ZFHX3: variants seen among roughly 807,000 people sequenced by gnomAD.
ZFHX3 encodes zinc finger homeobox protein 3.
In ZFHX3, 42 loss-of-function variants were observed where a neutral mutation model predicts 279.1. The ratio of observed to expected loss-of-function variants is 0.15; its 90% CI spans 0.12 to 0.19. The LOEUF (loss-of-function observed/expected upper bound fraction) is 0.19, where lower values mean the gene tolerates loss of function less well. Among genes scored for constraint, ZFHX3 ranks in the 10% least tolerant of loss-of-function variants. The probability of loss-of-function intolerance (pLI) is 1.00; values close to 1 mark genes in which losing one functional copy is unlikely to be tolerated. For missense variants in ZFHX3, 4,981 were observed against 4,754.0 expected, an observed-to-expected ratio of 1.05 and a Z score of -1.40; for synonymous variants, 2,293 against 1,957.8, an observed-to-expected ratio of 1.17 and a Z score of -4.52.
At chr16:73,686,435 A>G (rs1357201929) in intron 1 of ZFHX3, among the ~76,000 whole-genome samples, 1 of 152,188 alleles carries the variant, frequency 6.6e-6, no homozygotes, top group Admixed American at 6.5e-5. Context: ...TTTTTCCTGA[A>G]GTATCATGAG....
intron 3 of ZFHX3, among the ~76,000 whole-genome samples, chr16:73,440,824 ACT>A (rs2018079659): frequency 6.6e-6 from 1 of 152,050 alleles, no homozygotes; most frequent in African/African-American, 2.4e-5. Flanking sequence ...AAACACCACC[ACT>A]CTGTTTTCCT....
At chr16:73,078,831 A>G (rs771071383) in intron 8 of ZFHX3, among the ~76,000 whole-genome samples, 1 of 151,804 alleles carries the variant, frequency 6.6e-6, no homozygotes, top group Non-Finnish European at 1.5e-5. Context: ...TTTTTAGTAG[A>G]GACGGGGTTT....
At chr16:73,159,218 TAAAC>T (rs777755247) in intron 5 of ZFHX3, among the ~76,000 whole-genome samples, 3 of 152,190 alleles carry the variant, frequency 2.0e-5, no homozygotes, top group East Asian at 1.9e-4. Flanking sequence ...ATAAGGAACT[TAAAC>T]AAACAAATTT....
intron 1 of ZFHX3, among the ~76,000 whole-genome samples, chr16:73,019,343 C>T (rs62053239): frequency 2.9e-4 from 44 of 150,068 alleles, no homozygotes; most frequent in Non-Finnish European, 5.2e-4. Flanking sequence ...TGTGTCTGTG[C>T]GTGTGTGTGT....
intron 3 of ZFHX3, among the ~76,000 whole-genome samples, chr16:73,336,700 T>C (rs1273219926): frequency 6.6e-6 from 1 of 152,134 alleles, no homozygotes; most frequent in Non-Finnish European, 1.5e-5. Context: ...TGAATATACG[T>C]GCACATGTGT....
At chr16:73,284,243 G>A (rs558668813) in intron 4 of ZFHX3, among the ~76,000 whole-genome samples, 20 of 148,334 alleles carry the variant, frequency 1.3e-4, no homozygotes, top group African/African-American at 2.7e-4. Flanking sequence ...CTTGAACTCG[G>A]AGGGCAGAGG....
chr16:72,803,492 A>T (rs533912594), intron 7 of ZFHX3, among the ~76,000 whole-genome samples: 1 of 152,270 alleles, frequency 6.6e-6, no homozygotes, highest in East Asian at 1.9e-4. Flanking sequence ...AGGCCCTCAA[A>T]TAACTGGTCC....
chr16:73,103,216 C>A lies in ZFHX3; in HGVS notation c.-896-9618G>T, dbSNP rs142168213. Among the ~76,000 whole-genome samples the A allele has an allele frequency of 4.8e-4, 73 of 152,268 alleles. 1 individual carries two copies. The East Asian group carries it at 0.013, about 27-fold the overall frequency. ...CTGAGATTACAGGCATGATTTCCTGCGCCCAGCCTATTATCTTTGAAAAGG... is the reference window on the plus strand; with the variant it reads ...CTGAGATTACAGGCATGATTTCCTGAGCCCAGCCTATTATCTTTGAAAAGG... On this transcript the variant is annotated intron_variant, in intron 7 of 17. Coordinates refer to the ZFHX3 transcript ENST00000641206.
intron 4 of ZFHX3, among the ~76,000 whole-genome samples, chr16:72,870,239 A>C (rs1362882303): frequency 6.6e-6 from 1 of 152,058 alleles, no homozygotes; most frequent in Non-Finnish European, 1.5e-5. Flanking sequence ...AAAAAATACA[A>C]AAACTAGCCA....
At chr16:73,214,843 CTTTT>C (rs386385051) in intron 5 of ZFHX3, among the ~76,000 whole-genome samples, 2 of 79,250 alleles carry the variant, frequency 2.5e-5, no homozygotes, top group African/African-American at 1.0e-4. Context: ...TGCTGAAGGC[CTTTT>C]TTTTTTTTTT....
rs116974636 is a variant in ZFHX3, at chr16:72,851,387, C to T, written c.3449-21528G>A. Among the ~76,000 whole-genome samples, 829 of 152,324 alleles carry T rather than the reference C, an allele frequency of 5.4e-3. 12 individuals carry two copies. The highest frequency in any genetic ancestry group is 0.042 in the East Asian group (216 of 5,166). ...CCGACAAGGGGCTCTTCATCAGCCA[C>T]TCAACACCACGGCGAGTCTTCCAGA... On this transcript the variant is annotated intron_variant, in intron 4 of 9. Coordinates refer to ENST00000268489, the MANE Select transcript of ZFHX3 (RefSeq NM_006885.4).
chr16:73,376,746 T>C (rs2890063), intron 3 of ZFHX3, among the ~76,000 whole-genome samples: 83,277 of 151,932 alleles, frequency 0.55, 23,963 homozygotes, highest in Non-Finnish European at 0.64. Flanking sequence ...TCTGTGTCAA[T>C]GGACGACATA....
At chr16:73,749,144 G>A (rs146558164) in intron 1 of ZFHX3, among the ~76,000 whole-genome samples, 370 of 152,002 alleles carry the variant, frequency 2.4e-3, no homozygotes, top group Non-Finnish European at 3.4e-3. Flanking sequence ...ACTAGATCCC[G>A]CCATATTGGA....
rs570740672 is a variant in ZFHX3, at chr16:73,818,481, A to G, written c.-1608+73170T>C. On this transcript the variant is annotated intron_variant, in intron 1 of 17. Transcript: ENST00000641206. ...CCTGTCATCAACGCAGCATCATTATACATGATATCAACCAAAGCTCCTGTG... is the reference window on the plus strand; with the variant it reads ...CCTGTCATCAACGCAGCATCATTATGCATGATATCAACCAAAGCTCCTGTG... Among the ~76,000 whole-genome samples, 3 of 152,348 alleles carry G rather than the reference A, an allele frequency of 2.0e-5. No individual in the cohort carries two copies. The South Asian group carries it at 6.2e-4, about 32-fold the overall frequency.
intron 1 of ZFHX3, among the ~76,000 whole-genome samples, chr16:73,750,986 G>A (rs148221979): frequency 9.0e-4 from 137 of 152,208 alleles, no homozygotes; most frequent in African/African-American, 3.1e-3. Flanking sequence ...TACTGGCCTG[G>A]GCATTTTTCT....
intron 1 of ZFHX3, among the ~76,000 whole-genome samples, chr16:73,788,535 T>C (rs1188644082): frequency 3.3e-5 from 5 of 152,160 alleles, no homozygotes; most frequent in Non-Finnish European, 5.9e-5. Context: ...GTGTGTTGTA[T>C]GTCTGCTCTG....
chr16:73,408,861 G>A (rs745838170), intron 3 of ZFHX3, among the ~76,000 whole-genome samples: 6 of 151,934 alleles, frequency 3.9e-5, no homozygotes, highest in African/African-American at 9.7e-5. Context: ...AAATTCCAGC[G>A]AGGCAACCGA....
At chr16:73,406,058 G>C (rs115098087) in intron 3 of ZFHX3, among the ~76,000 whole-genome samples, 1,827 of 152,336 alleles carry the variant, frequency 0.012, 41 homozygotes, top group African/African-American at 0.042. Context: ...ACATTCTATC[G>C]TCTCTAGGAG....
intron 2 of ZFHX3, among the ~76,000 whole-genome samples, chr16:73,500,679 AGT>A (rs2019221156): frequency 8.1e-6 from 1 of 123,350 alleles, no homozygotes; most frequent in African/African-American, 3.3e-5. Context: ...AAAAAAAAAG[AGT>A]TTTAAAATAC....
Sources: allele counts gnomAD v4.1 joint callset (sites outside exome capture counted in the v4.1 genomes callset), GRCh38; gene constraint gnomAD v4.1.1; transcripts MANE v1.5; gene names NCBI Gene and HGNC (gene_info 2026-07-23, HGNC 2026-07-21).